Variants in MTM1 observed in about 807,000 individuals in gnomAD.
MTM1 encodes the protein myotubularin 1, also known as myotubularin.
MTM1 carries 9 observed loss-of-function variants against 52.1 expected under a neutral mutation model. That is an observed-to-expected ratio of 0.17 (90% CI 0.10 to 0.30). The LOEUF is 0.30. MTM1 is among the 10% of genes least tolerant of loss of function. The pLI, the probability that MTM1 is intolerant of heterozygous loss-of-function variation, is 1.00. For missense variants in MTM1, 277 were observed against 470.7 expected (o/e 0.59, Z 3.81); for synonymous variants, 136 against 163.8 (o/e 0.83, Z 1.29).
At chrX:150,647,194 A>AATATATATATATATATATATAT (rs59931479) in intron 9 of MTM1, among the ~76,000 whole-genome samples, 149 of 83,764 alleles carry the variant, frequency 1.8e-3, no homozygotes, top group Non-Finnish European at 2.1e-3. Context: ...TTTCAGGGTG[A>AATATATATATATATATATATAT]ATATATATAT....
At chrX:150,586,374 A>C (rs1387419910) in intron 1 of MTM1, among the ~76,000 whole-genome samples, 1 of 111,146 alleles carries the variant, frequency 9.0e-6, no homozygotes, top group African/African-American at 3.3e-5. Flanking sequence ...GAAAGTAATG[A>C]GATGAGATCT....
intron 6 of MTM1, among the ~76,000 whole-genome samples, chrX:150,623,398 GT>G (rs1299876099): frequency 1.8e-5 from 2 of 109,651 alleles, no homozygotes; most frequent in Non-Finnish European, 3.8e-5. Context: ...GTTTTTTGGG[GT>G]TTTTTTTCTT....
intron 2 of MTM1, among the ~76,000 whole-genome samples, chrX:150,593,078 A>T (rs2038914785): frequency 8.9e-6 from 1 of 112,503 alleles, no homozygotes; most frequent in East Asian, 2.8e-4. Context: ...TCCTGACCTC[A>T]GGTGATCCAC....
chrX:150,592,515 T>A (rs1471318037), intron 1 of MTM1, 90 bp from the exon 2 acceptor site: 29 of 670,320 alleles, frequency 4.3e-5, no homozygotes, highest in Admixed American at 6.7e-5. Context: ...TACCGTTTGC[T>A]CTCAGTTGCC....
At chrX:150,606,926 TCCCTC>T in intron 4 of MTM1, among the ~76,000 whole-genome samples, 1 of 72,154 alleles carries the variant, frequency 1.4e-5, no homozygotes, top group South Asian at 1.1e-3. Context: ...TTCCCTCGGT[TCCCTC>T]CCTTCCCTTC....
At chrX:150,607,723 T>A (rs2039194419) in intron 4 of MTM1, among the ~76,000 whole-genome samples, 1 of 111,736 alleles carries the variant, frequency 8.9e-6, no homozygotes, top group Non-Finnish European at 1.9e-5. Flanking sequence ...TAGCTCCAGT[T>A]CCAATCTTTC....
At chrX:150,637,454 C>T (rs910770316) in intron 6 of MTM1, among the ~76,000 whole-genome samples, 6 of 111,087 alleles carry the variant, frequency 5.4e-5, no homozygotes, top group Non-Finnish European at 1.1e-4. Flanking sequence ...TCTGACCAGG[C>T]GCCATTGTAG....
intron 3 of MTM1, among the ~76,000 whole-genome samples, chrX:150,597,569 T>C (rs1334934622): frequency 8.9e-6 from 1 of 112,074 alleles, no homozygotes; most frequent in Non-Finnish European, 1.9e-5. Flanking sequence ...TTAAGTATTT[T>C]TTATTTAGAA....
In MTM1 at chrX:150,622,573, A is replaced by G. The variant is rs1208995800; in HGVS notation, c.444+3434A>G. Among the ~76,000 whole-genome samples the G allele has an allele frequency of 2.7e-5, 3 of 112,137 alleles. No homozygotes were observed. In the Admixed American group the frequency reaches 2.8e-4, roughly 11 times the overall value. On this transcript the variant is annotated intron_variant, in intron 6 of 14. Transcript: ENST00000370396. The stretch of plus-strand genomic sequence containing the variant: ...TTAGCCCCAACATAAGATAGTATAC[A>G]TTCATTTGTGCAAGAGAAACGCAAA...
intron 8 of MTM1, 129 bp from the exon 9 acceptor site, chrX:150,645,554 C>T: frequency 1.7e-6 from 1 of 605,620 alleles, no homozygotes; most frequent in African/African-American, 2.2e-5. Context: ...TGCAAGTGAA[C>T]AAGTATTCTA....
chrX:150,606,023 G>T (rs1603136806), intron 4 of MTM1, among the ~76,000 whole-genome samples: 1 of 108,033 alleles, frequency 9.3e-6, no homozygotes, highest in African/African-American at 3.4e-5. Flanking sequence ...AAAAAAAAAA[G>T]CATTGGAAAC....
chrX:150,662,519 T>G (rs1369302344), intron 13 of MTM1, among the ~76,000 whole-genome samples: 1 of 110,701 alleles, frequency 9.0e-6, no homozygotes, highest in Non-Finnish European at 1.9e-5. Flanking sequence ...AGACGGGGCT[T>G]CACCATGTTG....
intron 4 of MTM1, among the ~76,000 whole-genome samples, chrX:150,613,525 C>A (rs1475204337): frequency 8.9e-6 from 1 of 111,950 alleles, no homozygotes; most frequent in Non-Finnish European, 1.9e-5. Flanking sequence ...TTCTTAGTAG[C>A]GAAATTATTG....
At chrX:150,670,544 C>T (rs782503347) in intron 14 of MTM1, among the ~76,000 whole-genome samples, 3 of 111,755 alleles carry the variant, frequency 2.7e-5, no homozygotes, top group East Asian at 5.6e-4. Context: ...GCAATACAAA[C>T]GAAAACTACC....
chrX:150,654,434 C>T (rs1223502788), intron 10 of MTM1, among the ~76,000 whole-genome samples: 1 of 110,302 alleles, frequency 9.1e-6, no homozygotes, highest in Non-Finnish European at 1.9e-5. Flanking sequence ...AACAGGATTT[C>T]AAGGAGAATA....
At chrX:150,618,804 A>G (rs1326080266) in intron 5 of MTM1, among the ~76,000 whole-genome samples, 1 of 111,562 alleles carries the variant, frequency 9.0e-6, no homozygotes, top group Non-Finnish European at 1.9e-5. Flanking sequence ...TCTTCTCCTT[A>G]GTGCTAGTTG....
intron 4 of MTM1, among the ~76,000 whole-genome samples, chrX:150,603,784 A>G: frequency 8.9e-6 from 1 of 112,041 alleles, no homozygotes; most frequent in Middle Eastern, 4.2e-3. Context: ...TGGTAGCACT[A>G]AAGACCACAG....
chrX:150,671,297 A>C, intron 14 of MTM1, 131 bp from the exon 15 acceptor site: 1 of 718,114 alleles, frequency 1.4e-6, no homozygotes, highest in Non-Finnish European at 2.1e-6. Flanking sequence ...AGTTAAGGAA[A>C]GTATGTATTA....
intron 8 of MTM1, 132 bp from the exon 9 acceptor site, chrX:150,645,551 G>T: frequency 1.7e-6 from 1 of 595,114 alleles, no homozygotes; most frequent in South Asian, 2.7e-5. Flanking sequence ...GATTGCAAGT[G>T]AACAAGTATT....
Sources: allele counts gnomAD v4.1 joint callset (sites outside exome capture counted in the v4.1 genomes callset), GRCh38; gene constraint gnomAD v4.1.1; transcripts MANE v1.5; gene names NCBI Gene and HGNC (gene_info 2026-07-23, HGNC 2026-07-21).